AOPEP: variants seen among roughly 807,000 people sequenced by gnomAD.
AOPEP encodes the protein aminopeptidase O.
In AOPEP, 77 loss-of-function variants were observed where a neutral mutation model predicts 98.1. The ratio of observed to expected loss-of-function variants is 0.78; its 90% confidence interval spans 0.65 to 0.95. The LOEUF is 0.95. Among genes scored for constraint, AOPEP ranks in the 40% least tolerant of loss-of-function variants. The pLI is 0.00. For synonymous variants in AOPEP, 346 were observed against 365.3 expected, an observed-to-expected ratio of 0.95 and a Z score of 0.60; for missense variants, 1,024 against 1,024.7, an observed-to-expected ratio of 1.00 and a Z score of 0.01.
chr9:95,132,902 C>A, the AOPEP span, among the ~76,000 whole-genome samples: 2 of 152,124 alleles, frequency 1.3e-5, no homozygotes, highest in African/African-American at 4.8e-5. Context: ...TCTGCATAGT[C>A]CCAAGAGAGA....
the AOPEP span, among the ~76,000 whole-genome samples, chr9:95,109,445 A>ATTTTT: frequency 6.8e-6 from 1 of 147,174 alleles, no homozygotes; most frequent in African/African-American, 2.5e-5. Context: ...CCCTTGCCTG[A>ATTTTT]TTTTTTTTTT....
At chr9:94,761,502 G>A (rs1184840656) in intron 2 of AOPEP, among the ~76,000 whole-genome samples, 1 of 152,004 alleles carries the variant, frequency 6.6e-6, no homozygotes, top group East Asian at 1.9e-4. Flanking sequence ...CTGGGTTTGG[G>A]AGCCTTCTTT....
intron 5 of AOPEP, among the ~76,000 whole-genome samples, chr9:94,840,140 T>C (rs75924670): frequency 0.027 from 4,145 of 152,292 alleles, 185 homozygotes; most frequent in African/African-American, 0.094. Context: ...TAGGTTTTTG[T>C]AAATGTCCTT....
At chr9:94,772,826 A>G (rs1841186611) in intron 2 of AOPEP, among the ~76,000 whole-genome samples, 176 bp from the exon 3 acceptor site, 1 of 152,232 alleles carries the variant, frequency 6.6e-6, no homozygotes, top group Non-Finnish European at 1.5e-5. Flanking sequence ...CCACTCAGCT[A>G]TTCACATAGC....
chr9:94,848,619 C>T (rs2043150056), intron 5 of AOPEP, among the ~76,000 whole-genome samples: 1 of 151,296 alleles, frequency 6.6e-6, no homozygotes, highest in South Asian at 2.1e-4. Context: ...GAGATTCCCA[C>T]TCAAACAAAC....
intron 5 of AOPEP, among the ~76,000 whole-genome samples, chr9:94,814,529 A>G (rs900097347): frequency 6.6e-6 from 1 of 152,156 alleles, no homozygotes; most frequent in Non-Finnish European, 1.5e-5. Context: ...TCATCCACAT[A>G]TTGGAGAATG....
intron 13 of AOPEP, among the ~76,000 whole-genome samples, chr9:95,046,936 ATTTTC>A (rs1362057397): frequency 2.0e-5 from 3 of 152,144 alleles, no homozygotes; most frequent in African/African-American, 7.2e-5. Context: ...AAATCTGTTA[ATTTTC>A]TTGTTTAAAA....
chr9:94,835,199 G>A (rs1035664321), intron 5 of AOPEP, among the ~76,000 whole-genome samples: 7 of 152,192 alleles, frequency 4.6e-5, no homozygotes, highest in Admixed American at 1.3e-4. Context: ...TTGTGCGTAA[G>A]TGGGCAGAAT....
chr9:95,133,413 T>G, the AOPEP span, among the ~76,000 whole-genome samples: 2 of 152,266 alleles, frequency 1.3e-5, no homozygotes, highest in Non-Finnish European at 2.9e-5. Flanking sequence ...TCTGCACACA[T>G]GATCCCGATA....
At chr9:94,920,026 G>A (rs1252960954) in intron 5 of AOPEP, among the ~76,000 whole-genome samples, 1 of 152,178 alleles carries the variant, frequency 6.6e-6, no homozygotes, top group Non-Finnish European at 1.5e-5. Flanking sequence ...AGTGACTCAT[G>A]CCTGTGATCC....
intron 5 of AOPEP, among the ~76,000 whole-genome samples, chr9:94,922,150 C>T (rs1023316034): frequency 1.3e-5 from 2 of 152,208 alleles, no homozygotes; most frequent in Non-Finnish European, 2.9e-5. Context: ...TTGTGCATTC[C>T]TTCAGGCCCT....
chr9:95,027,953 G>A (rs901857355), intron 13 of AOPEP, among the ~76,000 whole-genome samples: 18 of 152,188 alleles, frequency 1.2e-4, no homozygotes, highest in Admixed American at 5.9e-4. Context: ...CTCTCGTCGT[G>A]GGTGAAGTTC....
At chr9:94,973,221 G>A (rs2059634892) in intron 10 of AOPEP, among the ~76,000 whole-genome samples, 1 of 152,158 alleles carries the variant, frequency 6.6e-6, no homozygotes, top group African/African-American at 2.4e-5. Flanking sequence ...GTGATCTTTA[G>A]GATCTCAAGA....
intron 5 of AOPEP, among the ~76,000 whole-genome samples, chr9:94,877,853 A>G (rs747720357): frequency 3.3e-5 from 5 of 152,180 alleles, no homozygotes; most frequent in South Asian, 4.1e-4. Context: ...TAGGTTTTCT[A>G]TGTTTGGTAA....
chr9:94,896,476 T>TA (rs2049578486), intron 5 of AOPEP, among the ~76,000 whole-genome samples: 1 of 152,136 alleles, frequency 6.6e-6, no homozygotes, highest in South Asian at 2.1e-4. Flanking sequence ...AGAATAACGT[T>TA]ACAGTGGAGA....
chr9:94,866,132 C>T (rs539087651), intron 5 of AOPEP, among the ~76,000 whole-genome samples: 19 of 152,324 alleles, frequency 1.2e-4, no homozygotes, highest in Admixed American at 5.2e-4. Context: ...AAGCAGGAGT[C>T]GGCCTGAAGC....
rs112631155 is a variant in AOPEP, at chr9:94,859,754, C to T, written c.1364+58752C>T. Among the ~76,000 whole-genome samples the T allele has an allele frequency of 7.3e-3, 1,110 of 152,300 alleles. 15 individuals carry two copies. The highest frequency in any genetic ancestry group is 0.026 in the African/African-American group (1,072 of 41,556). ...CAGCTAACCTGTGTTGGAATCTCTT[C>T]TGTGCTACTTACTTATTCTAGGTCT... On this transcript the variant is annotated intron_variant, in intron 5 of 16. Transcript: ENST00000375315.
chr9:94,791,970 A>G (rs1845828584), intron 3 of AOPEP, among the ~76,000 whole-genome samples: 3 of 152,238 alleles, frequency 2.0e-5, no homozygotes, highest in Admixed American at 2.0e-4. Context: ...CATCTCAGAA[A>G]TGAGGGGAGT....
At chr9:95,083,724 A>G (rs551414892) in intron 16 of AOPEP, among the ~76,000 whole-genome samples, 1 of 152,226 alleles carries the variant, frequency 6.6e-6, no homozygotes, top group Non-Finnish European at 1.5e-5. Flanking sequence ...TGTGGCACAC[A>G]CAGTGCACGC....
Sources: gnomAD v4.1 joint callset for allele counts (sites outside exome capture counted in the v4.1 genomes callset) on GRCh38, gnomAD v4.1.1 for gene constraint, MANE v1.5 for transcripts, NCBI Gene and HGNC (gene_info 2026-07-23, HGNC 2026-07-21) for gene names.